ABCC4: variants seen among roughly 807,000 people sequenced by gnomAD.
The protein encoded by ABCC4 is ATP binding cassette subfamily C member 4 (PEL blood group).
Under a neutral mutation model 168.5 loss-of-function variants are expected in ABCC4, and 102 were observed. The ratio of observed to expected loss-of-function variants is 0.61; its 90% CI spans 0.52 to 0.71. ABCC4 has a LOEUF of 0.71. Ranked by LOEUF, ABCC4 falls within the 30% of genes least tolerant of loss-of-function variation. The pLI, the probability that ABCC4 is intolerant of heterozygous loss-of-function variation, is 0.00. For synonymous variants in ABCC4, 617 were observed against 590.7 expected, an observed-to-expected ratio of 1.04 and a Z score of -0.65; for missense variants, 1,402 against 1,605.8, an observed-to-expected ratio of 0.87 and a Z score of 2.17.
In ABCC4 at chr13:95,163,199, A is replaced by G; in HGVS notation, c.2231T>C (p.Met744Thr). The change falls in exon 18 of 31, where the codon ATG becomes ACG. Residue 744 changes from methionine to threonine, a missense_variant. Transcript: ENST00000645237. ...TCCTCCATTTACAGTGACATTTAGCATACTTTGTTTGTTTGCCCTATGGAA... is the reference window on the plus strand; with the variant it reads ...TCCTCCATTTACAGTGACATTTAGCGTACTTTGTTTGTTTGCCCTATGGAA... The part of the protein sequence containing the change: ...WLSYWANKQS[M>T]LNVTVNGGGN... The G allele has an allele frequency of 1.2e-6, 2 of 1,612,688 alleles. No individual in the cohort carries two copies. Among genetic ancestry groups the G allele is most frequent in the Non-Finnish European group, 1.7e-6 (2 of 1,179,082 alleles).
chr13:95,274,127 C>A (rs576346445), intron 1 of ABCC4, among the ~76,000 whole-genome samples: 1 of 152,176 alleles, frequency 6.6e-6, no homozygotes, highest in South Asian at 2.1e-4. Context: ...CAGACTCATA[C>A]AACTAACAAG....
chr13:95,262,160 C>A (rs2040549226), intron 1 of ABCC4, among the ~76,000 whole-genome samples: 1 of 152,162 alleles, frequency 6.6e-6, no homozygotes, highest in African/African-American at 2.4e-5. Context: ...GCCCTGGGGC[C>A]CCGCACACCA....
chr13:95,230,020 A>G (rs1374331020), intron 4 of ABCC4, among the ~76,000 whole-genome samples: 1 of 152,240 alleles, frequency 6.6e-6, no homozygotes, highest in East Asian at 1.9e-4. Context: ...CACTGTCCCC[A>G]CTGCAGAGGT....
intron 24 of ABCC4, 44 bp downstream of exon 24, chr13:95,073,160 G>T: frequency 6.7e-7 from 1 of 1,481,490 alleles, no homozygotes; most frequent in Non-Finnish European, 9.4e-7. Context: ...ACCATTTAAT[G>T]GCAAGGAGAT....
At chr13:95,248,101 G>A (rs1471173359) in intron 1 of ABCC4, among the ~76,000 whole-genome samples, 2 of 152,122 alleles carry the variant, frequency 1.3e-5, no homozygotes, top group African/African-American at 4.8e-5. Context: ...AGAAAAAGAT[G>A]GCCCATGAGA....
intron 19 of ABCC4, among the ~76,000 whole-genome samples, chr13:95,118,357 C>A (rs979704419): frequency 3.9e-5 from 6 of 152,006 alleles, no homozygotes. Flanking sequence ...GATTCTCCTG[C>A]CTCAGCCTCC....
At chr13:95,264,482 T>C (rs1446227711) in intron 1 of ABCC4, among the ~76,000 whole-genome samples, 1 of 152,224 alleles carries the variant, frequency 6.6e-6, no homozygotes, top group Admixed American at 6.5e-5. Context: ...CCATCACCAC[T>C]GTGTGCCTCC....
At chr13:95,123,551 G>A (rs916643854) in intron 19 of ABCC4, among the ~76,000 whole-genome samples, 6 of 151,990 alleles carry the variant, frequency 3.9e-5, no homozygotes, top group South Asian at 2.1e-4. Flanking sequence ...TAGTAGAGAC[G>A]GGGTTTCACC....
intron 3 of ABCC4, 43 bp from the exon 4 acceptor site, chr13:95,234,877 C>T (rs1009198159): frequency 1.5e-6 from 2 of 1,327,988 alleles, no homozygotes; most frequent in African/African-American, 1.5e-5. Context: ...ACATACAGAC[C>T]ACACCATTTT....
chr13:95,031,859 A>T (rs1292024030), intron 30 of ABCC4, among the ~76,000 whole-genome samples: 1 of 152,158 alleles, frequency 6.6e-6, no homozygotes, highest in African/African-American at 2.4e-5. Context: ...TCTATGACCT[A>T]TTTCTTATTA....
rs2036623266 is a variant in ABCC4, at chr13:95,150,063, A to G, written c.2455+11126T>C. 2.6e-5 allele frequency among the ~76,000 whole-genome samples: 4 copies of G among 152,098 alleles called. No homozygotes were observed. In the South Asian group the frequency reaches 8.3e-4, roughly 31 times the overall value. ...ATCATAGCTCACTGCAGCTTCTAAC[A>G]TTTGGGCTCAAGCAATCCTCCCACC... On this transcript the variant is annotated intron_variant, in intron 19 of 30. Transcript: ENST00000645237.
intron 19 of ABCC4, among the ~76,000 whole-genome samples, chr13:95,157,499 G>GAGGA (rs74573868): frequency 0.16 from 24,295 of 149,158 alleles, 2,177 homozygotes; most frequent in African/African-American, 0.24. Context: ...AAGGAAGAAA[G>GAGGA]AGGAAGGAAG....
intron 19 of ABCC4, among the ~76,000 whole-genome samples, chr13:95,154,501 T>C (rs973864347): frequency 6.6e-6 from 1 of 152,184 alleles, no homozygotes; most frequent in African/African-American, 2.4e-5. Context: ...AAAGGAAACA[T>C]AGCGAGTGAT....
intron 20 of ABCC4, among the ~76,000 whole-genome samples, chr13:95,108,256 T>C (rs932977988): frequency 3.9e-5 from 6 of 152,194 alleles, no homozygotes; most frequent in Non-Finnish European, 5.9e-5. Flanking sequence ...TAGGCTCATA[T>C]TAAATGAGCA....
intron 1 of ABCC4, among the ~76,000 whole-genome samples, chr13:95,256,984 A>G (rs2040408668): frequency 6.6e-6 from 1 of 152,236 alleles, no homozygotes; most frequent in Non-Finnish European, 1.5e-5. Context: ...CAAGAAGCAC[A>G]GAGAATAATA....
chr13:95,236,600 GCGCACA>G (rs1404455756), intron 3 of ABCC4, among the ~76,000 whole-genome samples: 7 of 52,658 alleles, frequency 1.3e-4, no homozygotes, highest in African/African-American at 2.6e-4. Flanking sequence ...GCGCGCGTGC[GCGCACA>G]CACACACACA....
chr13:95,271,513 GATT>G (rs1330065627), intron 1 of ABCC4, among the ~76,000 whole-genome samples: 1 of 152,142 alleles, frequency 6.6e-6, no homozygotes, highest in Non-Finnish European at 1.5e-5. Flanking sequence ...ATGATTAACA[GATT>G]ATTACTCTAT....
intron 8 of ABCC4, among the ~76,000 whole-genome samples, chr13:95,202,892 T>G (rs2038672052): frequency 6.6e-6 from 1 of 152,106 alleles, no homozygotes; most frequent in South Asian, 2.1e-4. Context: ...ACTCCTGACC[T>G]CAAGTGATCC....
chr13:95,266,879 C>CTTT lies in ABCC4; in HGVS notation c.75-19129_75-19127dup, dbSNP rs34395714. On this transcript the variant is annotated intron_variant, in intron 1 of 30. Coordinates refer to ENST00000645237, the MANE Select transcript of ABCC4 (RefSeq NM_005845.5). ...CGCTCTGTCTCCACTCAAATCTCAT[C>CTTT]TTTTTTTTTTTTTTTTGAGACGGAG... 3.0e-3 allele frequency among the ~76,000 whole-genome samples: 353 copies of CTTT among 116,802 alleles called. 19 individuals are homozygous for CTTT. Among genetic ancestry groups the CTTT allele is most frequent in the South Asian group, 0.025 (84 of 3,334 alleles). The allele number at this position is 116,802 out of a possible 152,430, so 76.6% of individuals were successfully genotyped here.
Sources: allele counts gnomAD v4.1 joint callset (sites outside exome capture counted in the v4.1 genomes callset), GRCh38; gene constraint gnomAD v4.1.1; transcripts MANE v1.5; gene names NCBI Gene and HGNC (gene_info 2026-07-23, HGNC 2026-07-21).